Variants in CALB1 observed in about 807,000 individuals in gnomAD.
CALB1 encodes calbindin.
In CALB1, 16 loss-of-function variants were observed where a neutral mutation model predicts 46.7. The observed-to-expected ratio is 0.34, with a 90% CI of 0.23 to 0.52. CALB1 has a LOEUF of 0.52. Among genes scored for constraint, CALB1 ranks in the 20% least tolerant of loss-of-function variants. The pLI is 0.95. For synonymous variants in CALB1, 90 were observed against 112.8 expected (o/e 0.80, Z 1.28); for missense variants, 224 against 300.3 (o/e 0.75, Z 1.88).
intron 9 of CALB1, chr8:90,061,587 T>A (rs1056490776): frequency 6.6e-6 from 1 of 152,046 alleles, no homozygotes; most frequent in Non-Finnish European, 1.5e-5. Flanking sequence ...CTATCTGAAA[T>A]GGAAATTAGA....
intron 5 of CALB1, 114 bp from the exon 6 acceptor site, chr8:90,066,089 G>T: frequency 1.4e-6 from 1 of 714,956 alleles, no homozygotes. Context: ...CTCCTTTTGA[G>T]GGGTAGAAGC....
chr8:90,080,074 A>C lies in CALB1; in HGVS notation c.157-1627T>G, dbSNP rs374269718. Among the ~76,000 whole-genome samples the C allele has an allele frequency of 8.5e-5, 13 of 152,108 alleles. No individual in the cohort carries two copies. In the South Asian group the frequency reaches 1.2e-3, roughly 15 times the overall value. On this transcript the variant is annotated intron_variant, in intron 2 of 10. Transcript: ENST00000265431. ...GATTTAGATTTTAACTACCCAAATC[A>C]AGAAAAATACTAAATTCAGAAAAAT... is the stretch of plus-strand genomic sequence containing the variant.
rs1423256466 is a variant in CALB1 at position 90,059,186 on chromosome 8, A to G, written c.*987T>C. 1.2e-4 allele frequency: 19 copies of G among 152,644 alleles called. 1 individual carries two copies. The highest frequency in any genetic ancestry group is 1.2e-3 in the Admixed American group (19 of 15,280). 9.5% of individuals were successfully genotyped at this position (152,644 alleles called of 1,614,324 possible). A position where few individuals can be genotyped will look rare whatever the true frequency, so the allele number is the denominator to read the frequency against. ...AAATATAGAATCCACAGAATACACA[A>G]AAGTATTGATGATATAACATTCAAT... On this transcript the variant is annotated 3_prime_UTR_variant, in exon 11 of 11. Transcript: ENST00000265431.
chr8:90,062,990 T>G, intron 9 of CALB1, 110 bp downstream of exon 9: 1 of 679,036 alleles, frequency 1.5e-6, no homozygotes, highest in Non-Finnish European at 2.5e-6. Flanking sequence ...GCTGTCAAGA[T>G]TGTCTCTATA....
chr8:90,063,257 T>C (rs753517040), intron 8 of CALB1, 24 bp downstream of exon 8: 1 of 1,573,166 alleles, frequency 6.4e-7, no homozygotes, highest in Non-Finnish European at 8.7e-7. Flanking sequence ...AAAATATTAT[T>C]TAAGGTAGTA....
Position 90,082,798 on chromosome 8 carries a change from C to T in CALB1, c.-101G>A, listed in dbSNP as rs1814757228. The T allele has an allele frequency of 1.7e-6, 2 of 1,173,090 alleles. No individual in the cohort carries two copies. The highest frequency in any genetic ancestry group is 2.6e-6 in the Non-Finnish European group (2 of 782,690). 72.7% of individuals were successfully genotyped at this position (1,173,090 alleles called of 1,614,324 possible). A position where few individuals can be genotyped will look rare whatever the true frequency, so the allele number is the denominator to read the frequency against. Reference sequence around the variant, plus strand: ...TCAGCGTGTGCGCGAGTCAGGGCTGCGGAGGGAGACCTGGGCGCGGGCGCT... The same window carrying T: ...TCAGCGTGTGCGCGAGTCAGGGCTGTGGAGGGAGACCTGGGCGCGGGCGCT... On this transcript the variant is annotated 5_prime_UTR_variant, in exon 1 of 11. Transcript: ENST00000265431.
In CALB1 at chr8:90,074,628, C is replaced by A. The variant is rs555248500; in HGVS notation, c.231+3745G>T. Among the ~76,000 whole-genome samples, 9 of 152,288 alleles carry A rather than the reference C, an allele frequency of 5.9e-5. No individual in the cohort carries two copies. The East Asian group carries it at 1.7e-3, about 29-fold the overall frequency. On this transcript the variant is annotated intron_variant, in intron 3 of 10. Transcript: ENST00000265431. The stretch of plus-strand genomic sequence containing the variant: ...GTAGTCTTCCATGAAAAATTATATT[C>A]ACTATGGCTAAACTCACAGGCTCAA...
intron 2 of CALB1, among the ~76,000 whole-genome samples, chr8:90,080,772 T>C (rs1357753669): frequency 1.3e-5 from 2 of 152,072 alleles, no homozygotes; most frequent in Admixed American, 6.5e-5. Context: ...TTATAATACA[T>C]TTAGAGCCCT....
chr8:90,082,370 T>G, intron 1 of CALB1: 1 of 603,662 alleles, frequency 1.7e-6, no homozygotes, highest in Non-Finnish European at 2.9e-6. Context: ...CTGCTCTCTC[T>G]CTCCTACCAT....
Position 90,071,788 on chromosome 8 carries a change from G to A in CALB1, c.232-2551C>T, listed in dbSNP as rs149969899. Reference sequence around the variant, plus strand: ...TTATGTTTTTTTCATGAATATAAGTGTTCATTTAGGAAACAGGAAATAGCT... The same window carrying A: ...TTATGTTTTTTTCATGAATATAAGTATTCATTTAGGAAACAGGAAATAGCT... On this transcript the variant is annotated intron_variant, in intron 3 of 10. Transcript: ENST00000265431. 2.3e-3 allele frequency among the ~76,000 whole-genome samples: 350 copies of A among 152,216 alleles called. 2 individuals carry two copies. The highest frequency in any genetic ancestry group is 7.3e-3 in the African/African-American group (303 of 41,536).
At chr8:90,069,122 G>A in intron 4 of CALB1, 32 bp downstream of exon 4, 1 of 1,611,098 alleles carries the variant, frequency 6.2e-7, no homozygotes. Flanking sequence ...CCTACTTTAA[G>A]CAGCTTTCTT....
At chr8:90,068,892 T>C (rs1814448016) in intron 5 of CALB1, 106 bp downstream of exon 5, 1 of 745,752 alleles carries the variant, frequency 1.3e-6, no homozygotes, top group African/African-American at 1.8e-5. Context: ...TGTGACACTG[T>C]TCAACATTAG....
In CALB1 at chr8:90,082,609, A is replaced by G. The variant is rs1814752533; in HGVS notation, c.79+10T>C. On this transcript the variant is annotated intron_variant, in intron 1 of 10. Transcript: ENST00000265431. ...GGGTCTTGAAACAGTTAAAAAGAGA[A>G]GATAATCACCGTCAGCGTCGAAATG... 3 of 1,611,072 alleles carry G rather than the reference A, an allele frequency of 1.9e-6. No homozygotes were observed. Among genetic ancestry groups the G allele is most frequent in the Admixed American group, 3.3e-5 (2 of 59,998 alleles).
intron 10 of CALB1, 45 bp from the exon 11 acceptor site, chr8:90,060,331 G>C: frequency 8.8e-7 from 1 of 1,138,348 alleles, no homozygotes; most frequent in Non-Finnish European, 1.3e-6. Flanking sequence ...AAATATGGAA[G>C]TTAATTAACC....
intron 9 of CALB1, 23 bp from the exon 10 acceptor site, chr8:90,060,723 G>C: frequency 2.0e-6 from 3 of 1,537,906 alleles, no homozygotes; most frequent in Non-Finnish European, 2.7e-6. Context: ...AAATAAAATA[G>C]TATACAACCA....
At chr8:90,081,498 C>T in intron 2 of CALB1, 1 of 981,120 alleles carries the variant, frequency 1.0e-6, no homozygotes, top group Non-Finnish European at 1.2e-6. Flanking sequence ...AGTAAGAGAT[C>T]CATAATCTGC....
chr8:90,078,297 TACTTG>T (rs1814656962), intron 3 of CALB1, 71 bp downstream of exon 3: 2 of 867,402 alleles, frequency 2.3e-6, no homozygotes, highest in East Asian at 2.5e-5. Context: ...TGCTATATCT[TACTTG>T]ACTTGAAGAC....
At chr8:90,071,086 T>TGCC (rs1814506945) in intron 3 of CALB1, among the ~76,000 whole-genome samples, 2 of 152,174 alleles carry the variant, frequency 1.3e-5, no homozygotes, top group Admixed American at 6.5e-5. Context: ...AAAATCACTT[T>TGCC]AATTTGGTGA....
In CALB1 at chr8:90,060,060, T is replaced by C. The variant is rs888498959; in HGVS notation, c.*113A>G. The C allele has an allele frequency of 4.3e-6, 3 of 698,262 alleles. No homozygotes were observed. Among genetic ancestry groups the C allele is most frequent in the Non-Finnish European group, 7.8e-6 (3 of 386,166 alleles). The allele number at this position is 698,262 out of a possible 1,614,324, so 43.3% of individuals were successfully genotyped here. ...ATGAGCCACACATCCTGGATAATTA[T>C]CTATATGCAGTTAAATTTACAGATA... On this transcript the variant is annotated 3_prime_UTR_variant, in exon 11 of 11. Coordinates refer to ENST00000265431, the MANE Select transcript of CALB1 (RefSeq NM_004929.4).
Sources: allele counts gnomAD v4.1 joint callset (sites outside exome capture counted in the v4.1 genomes callset), GRCh38; gene constraint gnomAD v4.1.1; transcripts MANE v1.5; gene names NCBI Gene and HGNC (gene_info 2026-07-23, HGNC 2026-07-21).